GALNT1: variants seen among roughly 807,000 people sequenced by gnomAD.
The protein encoded by GALNT1 is GalNAc transferase 1.
Under a neutral mutation model 65.7 loss-of-function variants are expected in GALNT1, and 17 were observed. That is an observed-to-expected ratio of 0.26 (90% CI 0.18 to 0.39). GALNT1 has a LOEUF of 0.39. Ranked by LOEUF, GALNT1 falls within the 10% of genes least tolerant of loss-of-function variation. The pLI, the probability that GALNT1 is intolerant of heterozygous loss-of-function variation, is 1.00. For synonymous variants in GALNT1, 210 were observed against 219.7 expected, an observed-to-expected ratio of 0.96 and a Z score of 0.39; for missense variants, 460 against 672.8, an observed-to-expected ratio of 0.68 and a Z score of 3.50.
Position 35,606,000 on chromosome 18 carries a change from A to G in GALNT1, c.-104+24138A>G, listed in dbSNP as rs549424219. On this transcript the variant is annotated intron_variant, in intron 1 of 11. Coordinates refer to ENST00000269195, the MANE Select transcript of GALNT1 (RefSeq NM_020474.4). ...TCATATTTGTACATATCAAGGTAGG[A>G]TAAGTTATACTGTGCTAACAGTCTA... Among the ~76,000 whole-genome samples the G allele has an allele frequency of 1.6e-4, 25 of 152,234 alleles. 1 individual carries two copies. The highest frequency in any genetic ancestry group is 3.1e-4 in the Non-Finnish European group (21 of 68,032).
intron 1 of GALNT1, among the ~76,000 whole-genome samples, chr18:35,614,588 T>C (rs1031193227): frequency 6.6e-6 from 1 of 152,122 alleles, no homozygotes; most frequent in East Asian, 1.9e-4. Context: ...ACTGGAGATA[T>C]GAGTTAGTGC....
chr18:35,616,199 AG>A (rs1254535822), intron 1 of GALNT1, among the ~76,000 whole-genome samples: 1 of 152,194 alleles, frequency 6.6e-6, no homozygotes, highest in Admixed American at 6.5e-5. Flanking sequence ...GAGGTAGACA[AG>A]GTAAAGGATA....
intron 4 of GALNT1, among the ~76,000 whole-genome samples, chr18:35,681,702 T>G (rs2047789490): frequency 6.6e-6 from 1 of 152,122 alleles, no homozygotes; most frequent in African/African-American, 2.4e-5. Flanking sequence ...TTCTATCAAA[T>G]TCTGGATACA....
chr18:35,688,199 G>T lies in GALNT1; in HGVS notation c.861-974G>T, dbSNP rs79474043. 3.7e-3 allele frequency among the ~76,000 whole-genome samples: 562 copies of T among 152,254 alleles called. 3 individuals are homozygous for T. Among genetic ancestry groups the T allele is most frequent in the African/African-American group, 0.013 (530 of 41,552 alleles). On this transcript the variant is annotated intron_variant, in intron 6 of 11. Transcript: ENST00000269195. ...AAAAAACTCAGGTCAAGAAAACCCT[G>T]TATTAAATGATAATTCTGAATTTTG...
At chr18:35,618,604 A>G (rs1025981113) in intron 1 of GALNT1, among the ~76,000 whole-genome samples, 2 of 152,236 alleles carry the variant, frequency 1.3e-5, no homozygotes, top group Non-Finnish European at 2.9e-5. Flanking sequence ...AAATAATACA[A>G]AAGAAATGTT....
intron 1 of GALNT1, among the ~76,000 whole-genome samples, chr18:35,587,754 G>C (rs1055837170): frequency 6.6e-6 from 1 of 152,104 alleles, no homozygotes; most frequent in Non-Finnish European, 1.5e-5. Context: ...CTAATATTTT[G>C]TTAAGGAATT....
intron 1 of GALNT1, among the ~76,000 whole-genome samples, chr18:35,605,634 T>G (rs757466884): frequency 2.0e-5 from 3 of 152,092 alleles, no homozygotes; most frequent in Non-Finnish European, 4.4e-5. Context: ...CCCTCCCTGT[T>G]TCTTCCTTTT....
intron 4 of GALNT1, among the ~76,000 whole-genome samples, chr18:35,679,957 C>T (rs1219901530): frequency 2.0e-5 from 3 of 152,078 alleles, no homozygotes; most frequent in East Asian, 3.9e-4. Context: ...CATACTCTTA[C>T]CCCCTCCCAT....
intron 11 of GALNT1, among the ~76,000 whole-genome samples, 186 bp from the exon 12 acceptor site, chr18:35,709,436 TTC>T (rs58566456): frequency 0.095 from 14,008 of 147,948 alleles, 704 homozygotes; most frequent in Admixed American, 0.17. Context: ...ATCTACCTAC[TTC>T]TCTCTCTCTC....
At chr18:35,687,462 G>C (rs77817430) in intron 6 of GALNT1, among the ~76,000 whole-genome samples, 1,974 of 152,118 alleles carry the variant, frequency 0.013, 41 homozygotes, top group African/African-American at 0.043. Context: ...TTGCAAATGC[G>C]TCAGATCTGT....
chr18:35,584,217 AG>A (rs1307922188), intron 1 of GALNT1, among the ~76,000 whole-genome samples: 1 of 152,340 alleles, frequency 6.6e-6, no homozygotes, highest in African/African-American at 2.4e-5. Flanking sequence ...GGTCACAATC[AG>A]GTTGACGCTG....
intron 6 of GALNT1, 122 bp from the exon 7 acceptor site, chr18:35,689,051 G>A (rs2047913724): frequency 1.4e-6 from 1 of 712,452 alleles, no homozygotes. Flanking sequence ...GAAAGTTTAT[G>A]AAGAGTGTGA....
chr18:35,668,304 A>ATCCATAATC (rs2047578196), intron 3 of GALNT1, among the ~76,000 whole-genome samples: 3 of 152,176 alleles, frequency 2.0e-5, no homozygotes, highest in Admixed American at 1.3e-4. Flanking sequence ...AGAAAATAAG[A>ATCCATAATC]GAGTCACAAA....
At chr18:35,694,380 C>T (rs986625962) in intron 9 of GALNT1, among the ~76,000 whole-genome samples, 3 of 152,148 alleles carry the variant, frequency 2.0e-5, no homozygotes, top group Non-Finnish European at 4.4e-5. Context: ...AAAGAGCCAA[C>T]TTAACACCCA....
chr18:35,587,520 CTCTGTTCCTA>C (rs2046391541), intron 1 of GALNT1, among the ~76,000 whole-genome samples: 1 of 152,146 alleles, frequency 6.6e-6, no homozygotes, highest in Non-Finnish European at 1.5e-5. Flanking sequence ...GGAAGTTCCT[CTCTGTTCCTA>C]TCTTCCTGAG....
At chr18:35,699,606 C>G (rs2048121956) in intron 9 of GALNT1, among the ~76,000 whole-genome samples, 2 of 152,152 alleles carry the variant, frequency 1.3e-5, no homozygotes, top group Non-Finnish European at 2.9e-5. Flanking sequence ...CAGAAAGAAT[C>G]TAGCCCATTT....
chr18:35,621,209 C>T (rs558261325), intron 1 of GALNT1, among the ~76,000 whole-genome samples: 92 of 151,508 alleles, frequency 6.1e-4, no homozygotes, highest in African/African-American at 2.1e-3. Flanking sequence ...GACAAGGTCT[C>T]GTTCTGTTGC....
At chr18:35,702,779 CCATTT>C in intron 9 of GALNT1, 113 bp from the exon 10 acceptor site, 1 of 565,100 alleles carries the variant, frequency 1.8e-6, no homozygotes, top group Non-Finnish European at 3.1e-6. Context: ...GGCCAATAGG[CCATTT>C]CAGAGTAGGG....
chr18:35,615,970 G>A (rs1207937090), intron 1 of GALNT1, among the ~76,000 whole-genome samples: 2 of 152,172 alleles, frequency 1.3e-5, no homozygotes, highest in Admixed American at 6.5e-5. Context: ...CAACTTTGAC[G>A]TTGTAGTGCA....
Sources: gnomAD v4.1 joint callset for allele counts (sites outside exome capture counted in the v4.1 genomes callset) on GRCh38, gnomAD v4.1.1 for gene constraint, MANE v1.5 for transcripts, NCBI Gene and HGNC (gene_info 2026-07-23, HGNC 2026-07-21) for gene names.